CACNA1E: variants seen among roughly 807,000 people sequenced by gnomAD.
CACNA1E encodes the protein voltage-dependent R-type calcium channel subunit alpha-1E.
A neutral mutation model predicts 259.2 loss-of-function variants in CACNA1E; 40 were observed. The observed-to-expected ratio is 0.15, with a 90% CI of 0.12 to 0.20. The LOEUF is 0.20. CACNA1E is among the 10% of genes least tolerant of loss of function. The pLI is 1.00. For missense variants in CACNA1E, 1,874 were observed against 3,040.1 expected (o/e 0.62, Z 9.02); for synonymous variants, 1,104 against 1,138.5 (o/e 0.97, Z 0.61).
chr1:181,714,602 G>A (rs1653715807), intron 8 of CACNA1E, among the ~76,000 whole-genome samples: 1 of 152,194 alleles, frequency 6.6e-6, no homozygotes, highest in South Asian at 2.1e-4. Flanking sequence ...CTGGCTACAA[G>A]CTACCTCCTC....
At chr1:181,795,767 A>AATATATATATATATATAT (rs72040839) in intron 46 of CACNA1E, among the ~76,000 whole-genome samples, 4,296 of 112,734 alleles carry the variant, frequency 0.038, 305 homozygotes, top group Middle Eastern at 0.067. Context: ...TTTTGCTTTA[A>AATATATATATATATATAT]ATATATATAT....
At chr1:181,531,083 G>T (rs1414223537) in intron 3 of CACNA1E, among the ~76,000 whole-genome samples, 1 of 152,210 alleles carries the variant, frequency 6.6e-6, no homozygotes, top group Non-Finnish European at 1.5e-5. Flanking sequence ...GAACTGTGTG[G>T]CAGTGGTGTT....
chr1:181,527,755 A>T (rs1667468531), intron 3 of CACNA1E, among the ~76,000 whole-genome samples: 1 of 152,174 alleles, frequency 6.6e-6, no homozygotes, highest in Non-Finnish European at 1.5e-5. Context: ...CTACTTATAT[A>T]ATCAAAATCT....
chr1:181,333,661 C>CT lies in CACNA1E; in HGVS notation c.-15+15550dup, dbSNP rs879632565. On this transcript the variant is annotated intron_variant, in intron 1 of 11. Transcript: ENST00000524607. ...ATTCCTTCTTCATTTCTTTTTCTTT[C>CT]TTTTTTTTTTTTGAGACGGAGTCTC... Among the ~76,000 whole-genome samples, 786 of 148,234 alleles carry CT rather than the reference C, an allele frequency of 5.3e-3. 6 individuals are homozygous for CT. The highest frequency in any genetic ancestry group is 0.017 in the African/African-American group (703 of 40,680).
chr1:181,778,197 A>G (rs1355549341), intron 38 of CACNA1E, among the ~76,000 whole-genome samples: 1 of 152,222 alleles, frequency 6.6e-6, no homozygotes, highest in Non-Finnish European at 1.5e-5. Flanking sequence ...AAGACTAACA[A>G]AAGTAATGTG....
At chr1:181,698,501 G>A (rs1019771423) in intron 7 of CACNA1E, among the ~76,000 whole-genome samples, 2 of 152,180 alleles carry the variant, frequency 1.3e-5, no homozygotes, top group Non-Finnish European at 2.9e-5. Flanking sequence ...TCAATAACTT[G>A]CCTGTGGTCT....
At chr1:181,544,204 G>C (rs550634392) in intron 3 of CACNA1E, among the ~76,000 whole-genome samples, 229 of 152,264 alleles carry the variant, frequency 1.5e-3, no homozygotes, top group African/African-American at 5.3e-3. Flanking sequence ...CCTCACAACA[G>C]GCTACATATT....
rs138648873 is a variant in CACNA1E at position 181,543,641 on chromosome 1, G to A, written c.512+32131G>A. Among the ~76,000 whole-genome samples the A allele has an allele frequency of 2.3e-3, 347 of 152,302 alleles. 2 individuals carry two copies. Among genetic ancestry groups the A allele is most frequent in the African/African-American group, 7.7e-3 (321 of 41,550 alleles). Reference sequence around the variant, plus strand: ...CAGGAATCTAACTGGCCAGCACCTTGATCTTGGACATCCCAGCCTCCAAAA... The same window carrying A: ...CAGGAATCTAACTGGCCAGCACCTTAATCTTGGACATCCCAGCCTCCAAAA... On this transcript the variant is annotated intron_variant, in intron 3 of 47. Transcript: ENST00000367573.
chr1:181,497,380 T>A (rs1413770705), intron 1 of CACNA1E, among the ~76,000 whole-genome samples: 3 of 152,238 alleles, frequency 2.0e-5, no homozygotes, highest in Non-Finnish European at 4.4e-5. Flanking sequence ...TGCATAATCA[T>A]ATGCCTTACC....
Position 181,721,162 on chromosome 1 carries a change from A to T in CACNA1E, c.1956+307A>T, listed in dbSNP as rs141826015. Among the ~76,000 whole-genome samples the T allele has an allele frequency of 1.2e-3, 187 of 152,314 alleles. 1 individual carries two copies. Among genetic ancestry groups the T allele is most frequent in the Non-Finnish European group, 2.0e-3 (138 of 68,014 alleles). On this transcript the variant is annotated intron_variant, in intron 15 of 47. Transcript: ENST00000367573. The stretch of plus-strand genomic sequence containing the variant: ...AGAATCACATCTATGGTTTTCTGAA[A>T]TCTAGGGGCATCTTCTAACCCATTT...
intron 1 of CACNA1E, among the ~76,000 whole-genome samples, chr1:181,323,821 C>T (rs1042895635): frequency 4.6e-5 from 7 of 152,158 alleles, no homozygotes; most frequent in Non-Finnish European, 7.3e-5. Context: ...ATCCAACTTC[C>T]GCCTTCTTTT....
chr1:181,472,989 T>C (rs907761386), intron 2 of CACNA1E, among the ~76,000 whole-genome samples: 5 of 152,198 alleles, frequency 3.3e-5, no homozygotes, highest in African/African-American at 7.2e-5. Flanking sequence ...TTAAATTCGC[T>C]GAGTCCTTTA....
intron 4 of CACNA1E, 95 bp from the exon 5 acceptor site, chr1:181,578,977 C>T: frequency 9.4e-7 from 1 of 1,068,886 alleles, no homozygotes; most frequent in Non-Finnish European, 1.3e-6. Flanking sequence ...CAGACGGCAG[C>T]ATGGATGAAA....
chr1:181,411,455 C>A (rs375468118), intron 1 of CACNA1E, among the ~76,000 whole-genome samples: 2 of 152,100 alleles, frequency 1.3e-5, no homozygotes, highest in East Asian at 3.9e-4. Context: ...CAGGAAGAAT[C>A]CTTTGGTTTC....
At chr1:181,764,399 C>T (rs1163496137) in intron 34 of CACNA1E, among the ~76,000 whole-genome samples, 1 of 151,980 alleles carries the variant, frequency 6.6e-6, no homozygotes, top group African/African-American at 2.4e-5. Flanking sequence ...ATGAATTCAC[C>T]AAATTGACTT....
chr1:181,592,429 A>G (rs1652747537), intron 6 of CACNA1E, among the ~76,000 whole-genome samples: 1 of 141,710 alleles, frequency 7.1e-6, no homozygotes, highest in African/African-American at 2.7e-5. Context: ...CGCAGGGACT[A>G]TGGCTGCTGC....
At chr1:181,772,763 C>A (rs1659632372) in intron 37 of CACNA1E, among the ~76,000 whole-genome samples, 1 of 152,154 alleles carries the variant, frequency 6.6e-6, no homozygotes, top group South Asian at 2.1e-4. Context: ...AATGTTATTA[C>A]ATTTGATGAT....
At chr1:181,588,088 G>T (rs1428629571) in intron 6 of CACNA1E, among the ~76,000 whole-genome samples, 2 of 152,218 alleles carry the variant, frequency 1.3e-5, no homozygotes, top group Non-Finnish European at 2.9e-5. Context: ...CATGTGCAGA[G>T]TAAGCTGTGA....
chr1:181,403,216 G>T (rs553277877), intron 1 of CACNA1E, among the ~76,000 whole-genome samples: 1 of 151,376 alleles, frequency 6.6e-6, no homozygotes, highest in South Asian at 2.1e-4. Flanking sequence ...TATTTCATAA[G>T]ATTTTTTTCG....
Sources: allele counts gnomAD v4.1 joint callset (sites outside exome capture counted in the v4.1 genomes callset), GRCh38; gene constraint gnomAD v4.1.1; transcripts MANE v1.5; gene names NCBI Gene and HGNC (gene_info 2026-07-23, HGNC 2026-07-21).